Variants in TLK1 observed in about 807,000 individuals in gnomAD.
The protein encoded by TLK1 is tousled like kinase 1.
Under a neutral mutation model 105.3 loss-of-function variants are expected in TLK1, and 24 were observed. The observed-to-expected ratio is 0.23, with a 90% CI of 0.17 to 0.32. The LOEUF (loss-of-function observed/expected upper bound fraction) is 0.32. TLK1 is among the 10% of genes least tolerant of loss of function. The pLI is 1.00. For missense variants in TLK1, 558 were observed against 910.5 expected (o/e 0.61, Z 4.98); for synonymous variants, 321 against 310.4 (o/e 1.03, Z -0.36).
At chr2:171,044,654 C>T (rs376085302) in intron 11 of TLK1, among the ~76,000 whole-genome samples, 18 of 152,124 alleles carry the variant, frequency 1.2e-4, no homozygotes, top group East Asian at 5.8e-4. Context: ...AAGGAGAATA[C>T]GCAGAGTGAG....
intron 8 of TLK1, among the ~76,000 whole-genome samples, chr2:171,050,523 T>C (rs1455748890): frequency 6.6e-6 from 1 of 151,886 alleles, no homozygotes; most frequent in Non-Finnish European, 1.5e-5. Flanking sequence ...AACTAAAATA[T>C]GGTATATAAA....
chr2:171,160,736 G>A lies in TLK1; in HGVS notation c.-308C>T, dbSNP rs937365906. On this transcript the variant is annotated 5_prime_UTR_variant, in exon 1 of 21. Coordinates refer to ENST00000431350, the MANE Select transcript of TLK1 (RefSeq NM_012290.5). This position sits in a 1 kb window ranked among gnomAD's most constrained non-coding sequence, Gnocchi z 4.4. ...GCGTCGAGGGGGTGCCAGCCGGGCCGGGGTCGGAGCGCGGGCGGAGCGCGG... is the reference window on the plus strand; with the variant it reads ...GCGTCGAGGGGGTGCCAGCCGGGCCAGGGTCGGAGCGCGGGCGGAGCGCGG... 2 of 448,102 alleles carry A rather than the reference G, an allele frequency of 4.5e-6. No homozygotes were observed. The highest frequency in any genetic ancestry group is 7.7e-6 in the Non-Finnish European group (2 of 260,684). 27.8% of individuals were successfully genotyped at this position (448,102 alleles called of 1,614,324 possible). A position where few individuals can be genotyped will look rare whatever the true frequency, so the allele number is the denominator to read the frequency against.
At chr2:171,036,336 T>C (rs1402050800) in intron 11 of TLK1, among the ~76,000 whole-genome samples, 3 of 152,076 alleles carry the variant, frequency 2.0e-5, no homozygotes, top group Non-Finnish European at 4.4e-5. Flanking sequence ...ACCCCAGCTA[T>C]TTGGGAGGCT....
intron 5 of TLK1, 21 bp from the exon 6 acceptor site, chr2:171,056,587 G>A (rs374902484): frequency 3.8e-6 from 6 of 1,588,230 alleles, no homozygotes; most frequent in Middle Eastern, 3.4e-4. Context: ...GAAAAAGGAA[G>A]CATTATTATT....
intron 1 of TLK1, among the ~76,000 whole-genome samples, chr2:171,179,751 G>T (rs905231091): frequency 7.3e-5 from 11 of 151,626 alleles, no homozygotes; most frequent in African/African-American, 2.4e-4. Context: ...TGAGGTCAGG[G>T]GTTCAAGACC....
intron 1 of TLK1, among the ~76,000 whole-genome samples, chr2:171,192,076 T>C (rs1056273403): frequency 6.6e-5 from 10 of 152,172 alleles, no homozygotes; most frequent in Non-Finnish European, 1.3e-4. Flanking sequence ...TTGCCTAGGC[T>C]AGAGTACAGT....
intron 1 of TLK1, among the ~76,000 whole-genome samples, chr2:171,218,006 C>A (rs1273066435): frequency 2.6e-5 from 4 of 152,196 alleles, no homozygotes; most frequent in Admixed American, 6.5e-5. Context: ...GTAATCCCAG[C>A]ACTTTGGGAG....
intron 1 of TLK1, among the ~76,000 whole-genome samples, chr2:171,130,408 A>C (rs1184926253): frequency 6.6e-6 from 1 of 151,960 alleles, no homozygotes; most frequent in Non-Finnish European, 1.5e-5. Flanking sequence ...TCGGGGAAAA[A>C]AAAAATCTTG....
rs572692331 is a variant in TLK1 at position 171,194,720 on chromosome 2, G to A, written c.-6+36425C>T. ...TAGTCCCAGCTACTCCGGAGGCTGAGGCAGGAGAATGGCGTGAACCTGGGA... is the reference window on the plus strand; with the variant it reads ...TAGTCCCAGCTACTCCGGAGGCTGAAGCAGGAGAATGGCGTGAACCTGGGA... On this transcript the variant is annotated intron_variant, in intron 1 of 20. Transcript: ENST00000521943. 1.2e-4 allele frequency among the ~76,000 whole-genome samples: 18 copies of A among 151,520 alleles called. No homozygotes were observed. The Middle Eastern group carries it at 0.014, about 115-fold the overall frequency.
chr2:171,135,113 T>C (rs1352650944), intron 1 of TLK1, among the ~76,000 whole-genome samples: 1 of 151,956 alleles, frequency 6.6e-6, no homozygotes, highest in African/African-American at 2.4e-5. Flanking sequence ...GGACACAAAG[T>C]TTGAGTTAGA....
intron 13 of TLK1, among the ~76,000 whole-genome samples, chr2:171,011,832 G>T (rs2557794): frequency 0.37 from 56,199 of 151,828 alleles, 11,331 homozygotes; most frequent in African/African-American, 0.51. Context: ...AGCTTTTACA[G>T]TATTGACATA....
At chr2:171,185,741 T>C (rs1693014471) in intron 1 of TLK1, among the ~76,000 whole-genome samples, 1 of 152,340 alleles carries the variant, frequency 6.6e-6, no homozygotes, top group African/African-American at 2.4e-5. Context: ...AGCATACGCT[T>C]TTACATTTTT....
Position 170,996,798 on chromosome 2 carries a change from C to CA in TLK1, c.2017-39dup. ...ATTAAATGTTGAGATACTTTTCTCA[C>CA]AAAATATTTAAACACAGATATCATT... On this transcript the variant is annotated intron_variant, in intron 19 of 20. Transcript: ENST00000431350. 2.0e-6 allele frequency: 3 copies of CA among 1,525,534 alleles called. No homozygotes were observed. The South Asian group carries it at 3.6e-5, about 18-fold the overall frequency. 94.5% of individuals were successfully genotyped at this position (1,525,534 alleles called of 1,614,324 possible). A position where few individuals can be genotyped will look rare whatever the true frequency, so the allele number is the denominator to read the frequency against.
At chr2:171,198,623 G>A (rs967529908) in intron 1 of TLK1, among the ~76,000 whole-genome samples, 1 of 152,172 alleles carries the variant, frequency 6.6e-6, no homozygotes, top group Non-Finnish European at 1.5e-5. Context: ...GGTTGGGTTG[G>A]CAGTGATGAG....
intron 13 of TLK1, among the ~76,000 whole-genome samples, chr2:171,013,232 C>T (rs1575513342): frequency 6.6e-6 from 1 of 150,694 alleles, no homozygotes; most frequent in Non-Finnish European, 1.5e-5. Flanking sequence ...AGGTTGGTCT[C>T]GAACTCCTAA....
intron 1 of TLK1, among the ~76,000 whole-genome samples, chr2:171,193,063 G>C (rs1693185392): frequency 6.6e-6 from 1 of 152,188 alleles, no homozygotes; most frequent in Non-Finnish European, 1.5e-5. Flanking sequence ...AATAAAGCTG[G>C]TGTAAATCAC....
chr2:171,195,040 C>T (rs894303379), intron 1 of TLK1, among the ~76,000 whole-genome samples: 6 of 152,060 alleles, frequency 3.9e-5, no homozygotes, highest in African/African-American at 1.5e-4. Flanking sequence ...AAGTTGAAGT[C>T]AGCAGCAAAA....
intron 1 of TLK1, among the ~76,000 whole-genome samples, chr2:171,132,453 CCAACA>C (rs1691142282): frequency 6.6e-6 from 1 of 152,172 alleles, no homozygotes; most frequent in African/African-American, 2.4e-5. Flanking sequence ...CTTACCCCCC[CCAACA>C]CGAGTTTCAG....
intron 1 of TLK1, chr2:171,231,015 GA>G (rs1693986538): frequency 6.6e-6 from 1 of 152,170 alleles, no homozygotes; most frequent in Non-Finnish European, 1.5e-5. Flanking sequence ...GAGAAATACA[GA>G]AAATACACAC....
Sources: gnomAD v4.1 joint callset for allele counts (sites outside exome capture counted in the v4.1 genomes callset) on GRCh38, gnomAD v4.1.1 for gene constraint, Gnocchi (gnomAD v3.1) non-coding constraint, MANE v1.5 for transcripts, NCBI Gene and HGNC (gene_info 2026-07-23, HGNC 2026-07-21) for gene names.